The following BBS9 variants were observed in gnomAD, a reference collection of about 807,000 sequenced individuals.
BBS9 encodes the protein Bardet-Biedl syndrome 9.
Under a neutral mutation model 117.7 loss-of-function variants are expected in BBS9, and 89 were observed. That is an observed-to-expected ratio of 0.76 (90% CI 0.64 to 0.90). The LOEUF (loss-of-function observed/expected upper bound fraction) is 0.90. Ranked by LOEUF, BBS9 falls within the 40% of genes least tolerant of loss-of-function variation. BBS9 has a pLI of 0.00. For missense variants in BBS9, 982 were observed against 1,042.2 expected (o/e 0.94, Z 0.80); for synonymous variants, 379 against 370.9 (o/e 1.02, Z -0.25).
chr7:33,572,549 A>G (rs967836743), intron 21 of BBS9, among the ~76,000 whole-genome samples: 1 of 152,122 alleles, frequency 6.6e-6, no homozygotes, highest in African/African-American at 2.4e-5. Context: ...ATTAATTTAC[A>G]TTCCCACCAA....
intron 9 of BBS9, among the ~76,000 whole-genome samples, chr7:33,325,919 G>C (rs1812728893): frequency 6.6e-6 from 1 of 152,276 alleles, no homozygotes; most frequent in Non-Finnish European, 1.5e-5. Flanking sequence ...CCACCAATGG[G>C]AGTATGCTGG....
chr7:33,147,732 A>G (rs1487734818), intron 2 of BBS9, among the ~76,000 whole-genome samples: 1 of 152,212 alleles, frequency 6.6e-6, no homozygotes, highest in Non-Finnish European at 1.5e-5. Context: ...TGATTATCTG[A>G]ATAACATACT....
chr7:33,379,729 G>A (rs556601193), intron 17 of BBS9, among the ~76,000 whole-genome samples: 76 of 152,200 alleles, frequency 5.0e-4, no homozygotes, highest in African/African-American at 9.6e-4. Context: ...AATAAATTGG[G>A]GAAAGTAATG....
chr7:33,139,107 C>A lies in BBS9; in HGVS notation c.-11-7135C>A, dbSNP rs143458982. On this transcript the variant is annotated intron_variant, in intron 1 of 22. Transcript: ENST00000242067. ...GTCTCTACTAAAAATACAAAATTAG[C>A]TGGGCGTGGTGGCGCATGCCTGTAA... Among the ~76,000 whole-genome samples, 503 of 151,048 alleles carry A rather than the reference C, an allele frequency of 3.3e-3. 96 individuals carry two copies. In the East Asian group the frequency reaches 0.1, roughly 30 times the overall value.
chr7:33,245,584 C>T (rs996516939), intron 5 of BBS9, among the ~76,000 whole-genome samples: 1 of 152,084 alleles, frequency 6.6e-6, no homozygotes, highest in Non-Finnish European at 1.5e-5. Context: ...GATGGAGAGG[C>T]ATGGTGAATA....
chr7:33,164,606 A>T (rs903735019), intron 4 of BBS9, among the ~76,000 whole-genome samples: 16 of 151,728 alleles, frequency 1.1e-4, no homozygotes, highest in Non-Finnish European at 2.1e-4. Context: ...GTCTCTTTTG[A>T]TCTTTGTTGG....
intron 1 of BBS9, among the ~76,000 whole-genome samples, chr7:33,137,444 C>T (rs1052759548): frequency 6.6e-6 from 1 of 152,188 alleles, no homozygotes; most frequent in African/African-American, 2.4e-5. Flanking sequence ...CCTGCCTGTT[C>T]CCAGCCCCCA....
In BBS9 at chr7:33,147,863, C is replaced by T. The variant is rs532467162; in HGVS notation, c.112+1499C>T. ...GCTGTGAGCAGCTTCCTCTGTTTTC[C>T]GAAGCTTGCTATACAAAAATCATTA... On this transcript the variant is annotated intron_variant, in intron 2 of 22. Transcript: ENST00000242067. 2.7e-4 allele frequency among the ~76,000 whole-genome samples: 41 copies of T among 151,684 alleles called. No individual in the cohort carries two copies. The South Asian group carries it at 6.0e-3, about 22-fold the overall frequency.
chr7:33,565,803 A>ACCGC (rs1192272900), intron 21 of BBS9, among the ~76,000 whole-genome samples: 4 of 56,390 alleles, frequency 7.1e-5, no homozygotes, highest in African/African-American at 2.5e-4. Flanking sequence ...ATATATATAT[A>ACCGC]TATATATATA....
At chr7:33,299,316 T>C (rs963774254) in intron 9 of BBS9, among the ~76,000 whole-genome samples, 1 of 152,180 alleles carries the variant, frequency 6.6e-6, no homozygotes, top group African/African-American at 2.4e-5. Context: ...ATCACAATTA[T>C]ATATTCAATT....
intron 21 of BBS9, among the ~76,000 whole-genome samples, chr7:33,586,886 C>T (rs371153062): frequency 2.0e-5 from 3 of 151,948 alleles, no homozygotes; most frequent in South Asian, 2.1e-4. Flanking sequence ...ATAGACACTG[C>T]AGAATGTAAG....
At chr7:33,183,204 C>T (rs1222534494) in intron 5 of BBS9, among the ~76,000 whole-genome samples, 1 of 151,934 alleles carries the variant, frequency 6.6e-6, no homozygotes, top group Non-Finnish European at 1.5e-5. Context: ...CTTTTTTTCC[C>T]CCCAAAATGG....
intron 21 of BBS9, among the ~76,000 whole-genome samples, chr7:33,630,733 G>T (rs1244681365): frequency 2.0e-5 from 3 of 152,130 alleles, no homozygotes; most frequent in Non-Finnish European, 4.4e-5. Context: ...ATCCCTACCT[G>T]CCATGCATAC....
chr7:33,274,178 T>G (rs534495953), intron 9 of BBS9, among the ~76,000 whole-genome samples: 79 of 152,230 alleles, frequency 5.2e-4, no homozygotes, highest in Non-Finnish European at 4.3e-4. Context: ...AAGATATCCT[T>G]AGTAAATTAA....
At chr7:33,138,296 A>ATT (rs11423938) in intron 1 of BBS9, among the ~76,000 whole-genome samples, 1 of 148,926 alleles carries the variant, frequency 6.7e-6, no homozygotes, top group East Asian at 2.7e-4. Flanking sequence ...TTGAAAAATG[A>ATT]TTTTTTTTAA....
chr7:33,256,107 C>T lies in BBS9; in HGVS notation c.443-1129C>T, dbSNP rs181879433. Among the ~76,000 whole-genome samples, 783 of 152,140 alleles carry T rather than the reference C, an allele frequency of 5.1e-3. 10 individuals are homozygous for T. The highest frequency in any genetic ancestry group is 0.018 in the African/African-American group (743 of 41,490). On this transcript the variant is annotated intron_variant, in intron 5 of 22. Coordinates refer to ENST00000242067, the MANE Select transcript of BBS9 (RefSeq NM_198428.3). ...GGTGGAGGTTGCAGTGAGCTGAGAT[C>T]GTGCCACTGCACTCCAGCGTGGCAA...
chr7:33,366,095 G>C (rs74868625), intron 16 of BBS9, among the ~76,000 whole-genome samples: 347 of 152,272 alleles, frequency 2.3e-3, no homozygotes, highest in African/African-American at 8.2e-3. Context: ...TGGTGGTTTT[G>C]GTTCTGGGGT....
intron 19 of BBS9, among the ~76,000 whole-genome samples, chr7:33,420,325 A>G (rs570104145): frequency 2.6e-4 from 39 of 152,308 alleles, no homozygotes; most frequent in African/African-American, 8.4e-4. Context: ...ATGGCTTATC[A>G]GTGCTGGCTC....
chr7:33,408,391 G>A (rs140362075), intron 19 of BBS9, among the ~76,000 whole-genome samples: 3,892 of 152,126 alleles, frequency 0.026, 170 homozygotes, highest in African/African-American at 0.089. Context: ...TGCACTTCCC[G>A]AGTGAGGCAA....
Sources: allele counts gnomAD v4.1 joint callset (sites outside exome capture counted in the v4.1 genomes callset), GRCh38; gene constraint gnomAD v4.1.1; transcripts MANE v1.5; gene names NCBI Gene and HGNC (gene_info 2026-07-23, HGNC 2026-07-21).